The following LINGO2 variants were observed in gnomAD, a reference collection of about 807,000 sequenced individuals.
The protein encoded by LINGO2 is leucine rich repeat and Ig domain containing 2.
In LINGO2, 14 loss-of-function variants were observed where a neutral mutation model predicts 30.6. The observed-to-expected ratio is 0.46, with a 90% confidence interval of 0.30 to 0.72. The LOEUF (loss-of-function observed/expected upper bound fraction) is 0.72. Among genes scored for constraint, LINGO2 ranks in the 30% least tolerant of loss-of-function variants. LINGO2 has a pLI of 0.07. For synonymous variants in LINGO2, 317 were observed against 288.5 expected (o/e 1.10, Z -1.00); for missense variants, 729 against 751.7 (o/e 0.97, Z 0.35).
the LINGO2 span, among the ~76,000 whole-genome samples, chr9:28,938,403 T>G: frequency 6.6e-6 from 1 of 152,192 alleles, no homozygotes; most frequent in African/African-American, 2.4e-5. Flanking sequence ...TTTCTTCAAT[T>G]TCTCTCTCTC....
chr9:28,223,876 G>C (rs930027315), intron 4 of LINGO2, among the ~76,000 whole-genome samples: 1 of 152,098 alleles, frequency 6.6e-6, no homozygotes, highest in African/African-American at 2.4e-5. Context: ...AGAGTATTTA[G>C]CCCCCAAAAT....
At chr9:28,327,220 T>C (rs61271352) in intron 3 of LINGO2, among the ~76,000 whole-genome samples, 2,901 of 152,268 alleles carry the variant, frequency 0.019, 92 homozygotes, top group African/African-American at 0.066. Context: ...TCAAGAACTG[T>C]GAGCAATAAA....
chr9:28,514,942 A>AG (rs1820557699), intron 1 of LINGO2, among the ~76,000 whole-genome samples: 2 of 151,818 alleles, frequency 1.3e-5, no homozygotes, highest in Non-Finnish European at 2.9e-5. Context: ...ATTTAAAAAA[A>AG]AAAAAGAAGC....
intron 4 of LINGO2, among the ~76,000 whole-genome samples, chr9:28,171,074 C>T (rs1185927008): frequency 2.0e-5 from 3 of 152,152 alleles, no homozygotes; most frequent in Admixed American, 6.6e-5. Flanking sequence ...TTCGGCCAAC[C>T]ATCTTTTATT....
intron 4 of LINGO2, among the ~76,000 whole-genome samples, chr9:28,131,632 C>A (rs138790064): frequency 2.5e-3 from 376 of 152,180 alleles, no homozygotes; most frequent in Admixed American, 3.7e-3. Context: ...AATTTTTTTA[C>A]AATAGTTTCA....
the LINGO2 span, among the ~76,000 whole-genome samples, chr9:28,896,603 A>C: frequency 6.6e-6 from 1 of 152,288 alleles, no homozygotes; most frequent in East Asian, 1.9e-4. Flanking sequence ...TAAAAAAATA[A>C]GAATGAAGTA....
chr9:28,092,612 G>T (rs1487694294), intron 4 of LINGO2, among the ~76,000 whole-genome samples: 7 of 151,028 alleles, frequency 4.6e-5, no homozygotes, highest in African/African-American at 1.7e-4. Flanking sequence ...TGAGTTAATG[G>T]GTGCAGCACA....
chr9:29,111,651 A>G, the LINGO2 span, among the ~76,000 whole-genome samples: 1 of 151,876 alleles, frequency 6.6e-6, no homozygotes, highest in East Asian at 1.9e-4. Context: ...TTTTCTTCAC[A>G]GCTTATCAGC....
At chr9:27,996,559 T>C (rs1466321054) in intron 5 of LINGO2, among the ~76,000 whole-genome samples, 2 of 152,044 alleles carry the variant, frequency 1.3e-5, no homozygotes, top group Non-Finnish European at 2.9e-5. Flanking sequence ...GTGCAAATTA[T>C]CTCATGGAGG....
intron 2 of LINGO2, among the ~76,000 whole-genome samples, chr9:28,444,242 G>A (rs537218022): frequency 1.3e-5 from 2 of 152,338 alleles, no homozygotes; most frequent in East Asian, 1.9e-4. Context: ...AGCTGCAGGT[G>A]GTGAAACGCT....
At chr9:28,643,324 A>G (rs966637333) in intron 1 of LINGO2, among the ~76,000 whole-genome samples, 2 of 152,070 alleles carry the variant, frequency 1.3e-5, no homozygotes, top group South Asian at 4.1e-4. Context: ...AAAGCATGCT[A>G]CTGGCATAAA....
the LINGO2 span, among the ~76,000 whole-genome samples, chr9:28,740,687 T>A: frequency 6.6e-6 from 1 of 152,058 alleles, no homozygotes; most frequent in Non-Finnish European, 1.5e-5. Flanking sequence ...AAAATTGATG[T>A]AAAATTGTAT....
intron 2 of LINGO2, among the ~76,000 whole-genome samples, chr9:28,408,788 CA>C (rs67322645): frequency 0.57 from 79,892 of 139,678 alleles, 24,010 homozygotes; most frequent in Non-Finnish European, 0.7. Flanking sequence ...AAAAAAAAAA[CA>C]AAAAAAAACA....
chr9:29,037,545 G>A, the LINGO2 span, among the ~76,000 whole-genome samples: 35 of 151,992 alleles, frequency 2.3e-4, no homozygotes, highest in Non-Finnish European at 4.3e-4. Flanking sequence ...CATATACTGC[G>A]TAATATCATG....
At chr9:29,050,946 T>G in the LINGO2 span, among the ~76,000 whole-genome samples, 1 of 152,178 alleles carries the variant, frequency 6.6e-6, no homozygotes, top group African/African-American at 2.4e-5. Flanking sequence ...TAGCTCCTTT[T>G]AATATTTGTG....
At chr9:27,994,671 T>C (rs1188055362) in intron 5 of LINGO2, among the ~76,000 whole-genome samples, 1 of 152,120 alleles carries the variant, frequency 6.6e-6, no homozygotes, top group Non-Finnish European at 1.5e-5. Context: ...TCCTAAGAGA[T>C]AACACAGGAA....
At chr9:28,556,844 A>G (rs906588519) in intron 1 of LINGO2, among the ~76,000 whole-genome samples, 3 of 152,212 alleles carry the variant, frequency 2.0e-5, no homozygotes, top group Non-Finnish European at 4.4e-5. Flanking sequence ...ATAACACTGC[A>G]TATCTACAAC....
At chr9:28,467,257 C>T (rs1429592830) in intron 2 of LINGO2, among the ~76,000 whole-genome samples, 1 of 152,024 alleles carries the variant, frequency 6.6e-6, no homozygotes, top group South Asian at 2.1e-4. Flanking sequence ...GATCTCCTGA[C>T]CTCTCGTAGT....
At position 28,481,302 on chromosome 9, in the gene LINGO2, G is replaced by A. The variant is rs549036074; in HGVS notation, c.-364-5277C>T. On this transcript the variant is annotated intron_variant, in intron 1 of 5. Transcript: ENST00000379992. Reference sequence around the variant, plus strand: ...TTTTGTAATGAGACAATTGAAACATGGAGATGTTATGGCTACTCTAAGCCT... The same window carrying A: ...TTTTGTAATGAGACAATTGAAACATAGAGATGTTATGGCTACTCTAAGCCT... 2.6e-5 allele frequency among the ~76,000 whole-genome samples: 4 copies of A among 152,230 alleles called. No homozygotes were observed. In the East Asian group the frequency reaches 5.8e-4, roughly 22 times the overall value.
Sources: allele counts gnomAD v4.1 joint callset (sites outside exome capture counted in the v4.1 genomes callset), GRCh38; gene constraint gnomAD v4.1.1; transcripts MANE v1.5; gene names NCBI Gene and HGNC (gene_info 2026-07-23, HGNC 2026-07-21).